COL26A1: variants seen among roughly 807,000 people sequenced by gnomAD.
COL26A1 encodes collagen alpha-1(XXVI) chain.
COL26A1 carries 41 observed loss-of-function variants against 59.3 expected under a neutral mutation model. The observed-to-expected ratio is 0.69, with a 90% CI of 0.54 to 0.90. The LOEUF (loss-of-function observed/expected upper bound fraction) is 0.90. COL26A1 is among the 40% of genes least tolerant of loss of function. The pLI, the probability that COL26A1 is intolerant of heterozygous loss-of-function variation, is 0.00. For synonymous variants in COL26A1, 266 were observed against 256.0 expected (o/e 1.04, Z -0.37); for missense variants, 612 against 602.3 (o/e 1.02, Z -0.17).
chr7:101,461,687 A>G (rs1033484141), intron 3 of COL26A1, among the ~76,000 whole-genome samples: 1 of 152,202 alleles, frequency 6.6e-6, no homozygotes, highest in African/African-American at 2.4e-5. Flanking sequence ...ACTACAGCAG[A>G]GGAAGCATTT....
chr7:101,489,756 CTCTTTCTTTCTTTCTTTCTTT>C (rs1794375366), intron 3 of COL26A1, among the ~76,000 whole-genome samples: 1 of 77,700 alleles, frequency 1.3e-5, no homozygotes, highest in Non-Finnish European at 2.3e-5. Context: ...TTTCTTGTCT[CTCTTTCTTTCTTTCTTTCTTT>C]CTTTCTTTCT....
At chr7:101,495,609 C>T (rs1010768152) in intron 3 of COL26A1, among the ~76,000 whole-genome samples, 5 of 151,126 alleles carry the variant, frequency 3.3e-5, no homozygotes, top group Non-Finnish European at 5.9e-5. Context: ...TTAGTTGAGA[C>T]GGGGTTTCAC....
At chr7:101,555,582 CT>C (rs1160503081) in intron 11 of COL26A1, among the ~76,000 whole-genome samples, 2 of 152,078 alleles carry the variant, frequency 1.3e-5, no homozygotes, top group Non-Finnish European at 2.9e-5. Flanking sequence ...GTGTTTCAAG[CT>C]CTTTGTCTGT....
chr7:101,455,307 G>A (rs1359047035), intron 3 of COL26A1, among the ~76,000 whole-genome samples: 1 of 151,854 alleles, frequency 6.6e-6, no homozygotes, highest in Non-Finnish European at 1.5e-5. Flanking sequence ...ACCTCCCAAA[G>A]TGCTGGGATT....
intron 1 of COL26A1, among the ~76,000 whole-genome samples, chr7:101,371,069 G>A (rs1791180616): frequency 6.6e-6 from 1 of 152,166 alleles, no homozygotes; most frequent in African/African-American, 2.4e-5. Context: ...ATGAGCTGGA[G>A]CTTAGCCCTG....
chr7:101,507,111 C>T (rs531782963), intron 3 of COL26A1, among the ~76,000 whole-genome samples: 6 of 152,240 alleles, frequency 3.9e-5, no homozygotes, highest in African/African-American at 7.2e-5. Context: ...GACAGAGTTT[C>T]ACCACGTTGG....
At chr7:101,421,773 CAT>C (rs1418020450) in intron 2 of COL26A1, among the ~76,000 whole-genome samples, 1 of 152,090 alleles carries the variant, frequency 6.6e-6, no homozygotes, top group Non-Finnish European at 1.5e-5. Flanking sequence ...TTGTCTTTTA[CAT>C]GTATGTTGTG....
intron 3 of COL26A1, among the ~76,000 whole-genome samples, chr7:101,461,228 C>T (rs1283966342): frequency 6.6e-6 from 1 of 152,056 alleles, no homozygotes; most frequent in Non-Finnish European, 1.5e-5. Flanking sequence ...TGGTCTCAAG[C>T]AATTCTCTTG....
chr7:101,476,177 T>A (rs571730183), intron 3 of COL26A1, among the ~76,000 whole-genome samples: 2,760 of 143,388 alleles, frequency 0.019, 38 homozygotes, highest in Middle Eastern at 0.036. Flanking sequence ...TGTGTGTGTG[T>A]GAGTAGAGAT....
intron 1 of COL26A1, among the ~76,000 whole-genome samples, chr7:101,376,137 CAAA>C (rs34061057): frequency 0.4 from 52,363 of 132,292 alleles, 11,206 homozygotes; most frequent in Admixed American, 0.54. Context: ...CCTGTATCTA[CAAA>C]AAAAAAAAAA....
At chr7:101,456,958 G>A (rs897526214) in intron 3 of COL26A1, among the ~76,000 whole-genome samples, 2 of 152,224 alleles carry the variant, frequency 1.3e-5, no homozygotes, top group East Asian at 1.9e-4. Context: ...CGCTGAGACC[G>A]TGGTATTACA....
intron 2 of COL26A1, among the ~76,000 whole-genome samples, chr7:101,445,041 A>G (rs889233826): frequency 2.0e-5 from 3 of 150,678 alleles, no homozygotes; most frequent in Non-Finnish European, 4.4e-5. Context: ...GGGTTTCACC[A>G]TGTTGGCCAG....
At chr7:101,481,647 C>T (rs895624736) in intron 3 of COL26A1, among the ~76,000 whole-genome samples, 7 of 151,794 alleles carry the variant, frequency 4.6e-5, no homozygotes, top group Admixed American at 1.3e-4. Context: ...AACGGGGTCA[C>T]GCTATGTTGC....
intron 9 of COL26A1, among the ~76,000 whole-genome samples, chr7:101,550,469 AAATT>A (rs754228423): frequency 1.3e-4 from 20 of 152,304 alleles, no homozygotes; most frequent in Admixed American, 3.3e-4. Flanking sequence ...TCATTAAAAA[AAATT>A]AATTAATTAA....
chr7:101,391,917 T>C (rs1057229851), intron 1 of COL26A1, among the ~76,000 whole-genome samples: 9 of 150,800 alleles, frequency 6.0e-5, no homozygotes. Context: ...GTGGTCTTGC[T>C]ATGTTGCTCA....
At chr7:101,537,990 G>A (rs544774463) in intron 4 of COL26A1, among the ~76,000 whole-genome samples, 1 of 151,956 alleles carries the variant, frequency 6.6e-6, no homozygotes, top group East Asian at 1.9e-4. Flanking sequence ...TTGTTCGACT[G>A]GGGGCATTTC....
At chr7:101,456,169 T>TA (rs1554414262) in intron 3 of COL26A1, among the ~76,000 whole-genome samples, 6,706 of 93,992 alleles carry the variant, frequency 0.071, 150 homozygotes, top group African/African-American at 0.11. Flanking sequence ...TATATATATA[T>TA]TTTTTTTTTA....
intron 1 of COL26A1, among the ~76,000 whole-genome samples, chr7:101,368,512 A>G (rs1270700789): frequency 6.6e-6 from 1 of 152,266 alleles, no homozygotes; most frequent in Non-Finnish European, 1.5e-5. Context: ...CCAGACTAGC[A>G]GCTCAGAGGC....
intron 3 of COL26A1, among the ~76,000 whole-genome samples, chr7:101,493,757 TAAAAAA>T (rs57268952): frequency 5.8e-5 from 4 of 69,214 alleles, no homozygotes; most frequent in Admixed American, 1.8e-4. Context: ...CCATCTCTAC[TAAAAAA>T]AAAAAAAAAA....
Sources: gnomAD v4.1 joint callset for allele counts (sites outside exome capture counted in the v4.1 genomes callset) on GRCh38, gnomAD v4.1.1 for gene constraint, MANE v1.5 for transcripts, NCBI Gene and HGNC (gene_info 2026-07-23, HGNC 2026-07-21) for gene names.